Variants in HOMER2 observed in about 807,000 individuals in gnomAD.
HOMER2 encodes the protein homer scaffold protein 2.
In HOMER2, 27 loss-of-function variants were observed where a neutral mutation model predicts 47.0. That is an observed-to-expected ratio of 0.57 (90% CI 0.42 to 0.79). The LOEUF (loss-of-function observed/expected upper bound fraction) is 0.79, where lower values mean the gene tolerates loss of function less well. HOMER2 is among the 30% of genes least tolerant of loss of function. The pLI is 0.00. For synonymous variants in HOMER2, 161 were observed against 163.8 expected, an observed-to-expected ratio of 0.98 and a Z score of 0.13; for missense variants, 443 against 435.0, an observed-to-expected ratio of 1.02 and a Z score of -0.16.
rs59557620 is a variant in HOMER2, at chr15:82,945,655, T to TA, written c.5+6875dup. Among the ~76,000 whole-genome samples the TA allele has an allele frequency of 7.5e-3, 1,115 of 148,134 alleles. 11 individuals carry two copies. Among genetic ancestry groups the TA allele is most frequent in the African/African-American group, 0.026 (1,042 of 40,496 alleles). On this transcript the variant is annotated intron_variant, in intron 1 of 8. Transcript: ENST00000450735. ...AAAAGCAAAGCTATTTTCCTTTTGT[T>TA]AAAAAAAAAAGAAAAAGAAAAAAAG...
intron 1 of HOMER2, among the ~76,000 whole-genome samples, chr15:82,941,442 CAAAAAAAAAAAAA>C (rs10602958): frequency 1.3e-5 from 1 of 74,446 alleles, no homozygotes; most frequent in Non-Finnish European, 2.5e-5. Flanking sequence ...GAGTCTGTCT[CAAAAAAAAAAAAA>C]AAAAAAAAAA....
intron 1 of HOMER2, among the ~76,000 whole-genome samples, chr15:82,943,497 C>G (rs903312260): frequency 2.0e-5 from 3 of 152,214 alleles, no homozygotes; most frequent in Admixed American, 2.0e-4. Flanking sequence ...GGAAGAGGCT[C>G]CATTCCTTTT....
exon 2 of HOMER2, chr15:82,839,413 C>T (rs2051154698): frequency 6.6e-6 from 1 of 152,158 alleles, no homozygotes; most frequent in South Asian, 2.1e-4. Flanking sequence ...TCAGGAGTAG[C>T]CTGCAAGGAC....
exon 2 of HOMER2, chr15:82,959,221 G>A (rs1212889447): frequency 6.6e-6 from 1 of 152,384 alleles, no homozygotes; most frequent in Non-Finnish European, 1.5e-5. Flanking sequence ...CAGGGGAATG[G>A]AATGTCCTGA....
rs144177775 is a variant in HOMER2, at chr15:82,851,147, G to A, written c.843+4C>T. The stretch of plus-strand genomic sequence containing the variant: ...CAGGATGGCTGTGCCCCCAACCCAC[G>A]TACCTCTAGCTTCTCAGAGACATAT... On this transcript the variant is annotated splice_donor_region_variant and intron_variant, in intron 8 of 8. Transcript: ENST00000450735. 1.7e-5 allele frequency: 27 copies of A among 1,574,190 alleles called. No individual in the cohort carries two copies. Among genetic ancestry groups the A allele is most frequent in the Non-Finnish European group, 2.2e-5 (26 of 1,156,414 alleles).
At chr15:82,855,471 G>A (rs1056788569) in intron 5 of HOMER2, among the ~76,000 whole-genome samples, 2 of 152,214 alleles carry the variant, frequency 1.3e-5, no homozygotes, top group African/African-American at 4.8e-5. Flanking sequence ...TTTCATGGGT[G>A]GACCGGGTGA....
Position 82,859,060 on chromosome 15 carries a change from T to A in HOMER2, c.463A>T (p.Asn155Tyr). ...GTCAAGGCAATCTTCAGCTTGTCAT[T>A]CTCAGACTTCAGGTGTGTGTTGGCT... ...GPANTHLKSE[N>Y]DKLKIALTQS... Residue 155 changes from asparagine to tyrosine, a missense_variant, in exon 5 of 9, where the codon AAT becomes TAT. Transcript: ENST00000450735. 1.2e-6 allele frequency: 2 copies of A among 1,613,978 alleles called. No individual in the cohort carries two copies. Among genetic ancestry groups the A allele is most frequent in the Non-Finnish European group, 1.7e-6 (2 of 1,179,868 alleles).
intron 3 of HOMER2, among the ~76,000 whole-genome samples, chr15:82,866,174 G>C (rs1054212982): frequency 2.0e-5 from 3 of 152,222 alleles, no homozygotes; most frequent in African/African-American, 4.8e-5. Context: ...AGCTGCCCAA[G>C]ACCATGGGAG....
At chr15:82,868,668 C>T (rs1234409760) in intron 3 of HOMER2, among the ~76,000 whole-genome samples, 1 of 149,728 alleles carries the variant, frequency 6.7e-6, no homozygotes, top group Non-Finnish European at 1.5e-5. Flanking sequence ...CCTGCCTCAG[C>T]CTCCTACTGA....
upstream of HOMER2, among the ~76,000 whole-genome samples, chr15:82,955,134 C>A (rs1391062306): frequency 6.6e-6 from 1 of 151,230 alleles, no homozygotes; most frequent in Non-Finnish European, 1.5e-5. Flanking sequence ...GATTTCAAAA[C>A]CTATAATCTA....
intron 2 of HOMER2, among the ~76,000 whole-genome samples, chr15:82,889,635 T>C (rs189937297): frequency 6.6e-6 from 1 of 152,148 alleles, no homozygotes; most frequent in East Asian, 1.9e-4. Context: ...CTCAGGGAGA[T>C]GAGGACCTTA....
intron 2 of HOMER2, 118 bp downstream of exon 2, chr15:82,892,567 G>T: frequency 1.3e-6 from 1 of 756,352 alleles, no homozygotes; most frequent in Non-Finnish European, 2.0e-6. Context: ...AAAAAGAACA[G>T]AATATGTTAT....
chr15:82,921,871 C>T, intron 1 of HOMER2, among the ~76,000 whole-genome samples: 1 of 152,180 alleles, frequency 6.6e-6, no homozygotes, highest in East Asian at 1.9e-4. Flanking sequence ...AATCTCTCAA[C>T]TACTGATAAT....
At position 82,928,866 on chromosome 15, in the gene HOMER2, GATGA is replaced by G. The variant is rs1307261050; in HGVS notation, c.5+23661_5+23664del. On this transcript the variant is annotated intron_variant, in intron 1 of 8. Transcript: ENST00000450735. Reference sequence around the variant, plus strand: ...CACCTTCCCTCTCACATTCCCAACAGATGAATCCTATTACAGCCAGGAGAGCCCC... The same window carrying G: ...CACCTTCCCTCTCACATTCCCAACAGATCCTATTACAGCCAGGAGAGCCCC... Among the ~76,000 whole-genome samples, 23 of 143,304 alleles carry G rather than the reference GATGA, an allele frequency of 1.6e-4. No individual in the cohort carries two copies. In the Admixed American group the frequency reaches 1.7e-3, roughly 11 times the overall value. 94.0% of individuals were successfully genotyped at this position (143,304 alleles called of 152,430 possible).
downstream of HOMER2, among the ~76,000 whole-genome samples, chr15:82,848,066 A>C (rs530519331): frequency 6.6e-6 from 1 of 152,142 alleles, no homozygotes; most frequent in East Asian, 1.9e-4. Flanking sequence ...GCTCCTCTAA[A>C]AGTGCCTTGG....
intron 1 of HOMER2, among the ~76,000 whole-genome samples, chr15:82,895,033 C>T (rs749265050): frequency 6.6e-6 from 1 of 152,196 alleles, no homozygotes; most frequent in Non-Finnish European, 1.5e-5. Flanking sequence ...CAGCATCAAC[C>T]ATCAACCGTG....
chr15:82,876,668 A>G (rs1375872873), intron 2 of HOMER2, among the ~76,000 whole-genome samples: 2 of 152,234 alleles, frequency 1.3e-5, no homozygotes, highest in Non-Finnish European at 2.9e-5. Context: ...TAAGTATTCT[A>G]AAGAGTGAAC....
chr15:82,895,835 A>G (rs2151108437), intron 1 of HOMER2, among the ~76,000 whole-genome samples: 1 of 152,326 alleles, frequency 6.6e-6, no homozygotes, highest in Middle Eastern at 3.4e-3. Context: ...ACATGTTCCC[A>G]GGCCCCATCC....
chr15:82,860,956 T>TGTGAGAGAGAGAGAGAGAGA (rs1555420264), intron 4 of HOMER2, among the ~76,000 whole-genome samples: 6 of 42,436 alleles, frequency 1.4e-4, no homozygotes, highest in African/African-American at 4.9e-4. Context: ...AGATAGAAGA[T>TGTGAGAGAGAGAGAGAGAGA]GAGAGAGAGA....
Sources: gnomAD v4.1 joint callset for allele counts (sites outside exome capture counted in the v4.1 genomes callset) on GRCh38, gnomAD v4.1.1 for gene constraint, MANE v1.5 for transcripts, NCBI Gene and HGNC (gene_info 2026-07-23, HGNC 2026-07-21) for gene names.